ATP8B1: variants seen among roughly 807,000 people sequenced by gnomAD.
ATP8B1 encodes ATPase phospholipid transporting 8B1, also known as phospholipid-transporting ATPase IC.
In ATP8B1, 80 loss-of-function variants were observed where a neutral mutation model predicts 149.9. The observed-to-expected ratio is 0.53, with a 90% CI of 0.45 to 0.64. ATP8B1 has a LOEUF of 0.64. Ranked by LOEUF, ATP8B1 falls within the 30% of genes least tolerant of loss-of-function variation. The pLI is 0.00. For synonymous variants in ATP8B1, 536 were observed against 562.8 expected, an observed-to-expected ratio of 0.95 and a Z score of 0.67; for missense variants, 1,247 against 1,552.6, an observed-to-expected ratio of 0.80 and a Z score of 3.31.
intron 21 of ATP8B1, among the ~76,000 whole-genome samples, chr18:57,662,161 G>T (rs745625304): frequency 5.9e-5 from 9 of 152,156 alleles, no homozygotes; most frequent in African/African-American, 2.2e-4. Context: ...AACCTCCAGA[G>T]GAGCTGGGAC....
intron 15 of ATP8B1, among the ~76,000 whole-genome samples, chr18:57,680,416 T>C (rs1262558634): frequency 2.0e-5 from 3 of 147,642 alleles, no homozygotes; most frequent in African/African-American, 7.6e-5. Flanking sequence ...AGAAACCCCA[T>C]CTCTATTAAA....
intron 15 of ATP8B1, among the ~76,000 whole-genome samples, chr18:57,682,466 A>G (rs1912029945): frequency 6.6e-6 from 1 of 152,236 alleles, no homozygotes; most frequent in Admixed American, 6.5e-5. Context: ...CACAGGATGA[A>G]TTTACATTTG....
Position 57,669,440 on chromosome 18 carries a change from T to C in ATP8B1, c.1975A>G (p.Lys659Glu). 6.2e-7 allele frequency: 1 copy of C among 1,613,658 alleles called. No homozygotes were observed. The highest frequency in any genetic ancestry group is 8.5e-7 in the Non-Finnish European group (1 of 1,179,646). The change falls in exon 18 of 28, where the codon AAG becomes GAG. Residue 659 changes from lysine (K) to glutamate (E), a missense_variant. Lys to Glu is a moderately conservative substitution (Grantham distance 56). This residue lies in a region of ATP8B1 where 853 missense variants were observed against 1,035.7 expected (regional missense o/e 0.82). Transcript: ENST00000648908. ...GTAAATTCTTTTTCTTCAATTTCCT[T>C]GTAGCAAAGGCATAGGGTTCTAAGA... ...ETLRTLCLCY[K>E]EIEEKEFTEW...
At chr18:57,689,292 C>G in intron 12 of ATP8B1, among the ~76,000 whole-genome samples, 1 of 152,168 alleles carries the variant, frequency 6.6e-6, no homozygotes, top group Non-Finnish European at 1.5e-5. Flanking sequence ...CCCTAGGGTA[C>G]AGACTCCACT....
chr18:57,691,756 A>G (rs749198218), intron 12 of ATP8B1, 51 bp downstream of exon 12: 1 of 1,596,886 alleles, frequency 6.3e-7, no homozygotes, highest in East Asian at 2.2e-5. Flanking sequence ...ATGTTGGGAG[A>G]AGGTACAACA....
chr18:57,687,665 G>A (rs1240877249), intron 13 of ATP8B1, among the ~76,000 whole-genome samples: 1 of 151,776 alleles, frequency 6.6e-6, no homozygotes, highest in Non-Finnish European at 1.5e-5. Context: ...TGTGAATAAT[G>A]CTGCTATGAA....
rs528164626 is a variant in ATP8B1, at chr18:57,799,965, A to G, written c.-26+3033T>C. On this transcript the variant is annotated intron_variant, in intron 1 of 27. Coordinates refer to ENST00000648908, the MANE Select transcript of ATP8B1 (RefSeq NM_001374385.1). ...TAACCTGTCTTCTTTTTATGGTATTAACACTCTTCTGGCAGCAAATTAATT... is the reference window on the plus strand; with the variant it reads ...TAACCTGTCTTCTTTTTATGGTATTGACACTCTTCTGGCAGCAAATTAATT... Among the ~76,000 whole-genome samples, 5 of 150,688 alleles carry G rather than the reference A, an allele frequency of 3.3e-5. No individual in the cohort carries two copies. In the East Asian group the frequency reaches 9.9e-4, roughly 30 times the overall value.
At chr18:57,783,108 C>T (rs138797800) in intron 1 of ATP8B1, among the ~76,000 whole-genome samples, 224 of 152,142 alleles carry the variant, frequency 1.5e-3, no homozygotes, top group African/African-American at 5.1e-3. Flanking sequence ...CCACGGTGCC[C>T]GGCCTAGTTT....
intron 2 of ATP8B1, among the ~76,000 whole-genome samples, chr18:57,724,390 A>C (rs1363283487): frequency 2.1e-5 from 3 of 141,642 alleles, no homozygotes; most frequent in Non-Finnish European, 3.1e-5. Flanking sequence ...CAATGAACTC[A>C]AACAAATTTA....
chr18:57,672,592 C>T (rs1395854364), intron 16 of ATP8B1, among the ~76,000 whole-genome samples: 2 of 151,956 alleles, frequency 1.3e-5, no homozygotes, highest in East Asian at 3.9e-4. Flanking sequence ...TCTGGCTAGG[C>T]AGGGTGGCTC....
At chr18:57,674,453 C>T (rs745327585) in intron 16 of ATP8B1, among the ~76,000 whole-genome samples, 7 of 138,702 alleles carry the variant, frequency 5.0e-5, no homozygotes, top group Admixed American at 8.0e-5. Flanking sequence ...GGCGCGATGT[C>T]GGCTCACTGC....
At chr18:57,756,936 C>T (rs1196447363) in intron 1 of ATP8B1, among the ~76,000 whole-genome samples, 4 of 152,122 alleles carry the variant, frequency 2.6e-5, no homozygotes, top group East Asian at 1.9e-4. Context: ...TTTAAGACAT[C>T]GCAAATGTCC....
chr18:57,799,125 T>C (rs1351103876), intron 1 of ATP8B1, among the ~76,000 whole-genome samples: 1 of 152,168 alleles, frequency 6.6e-6, no homozygotes, highest in Non-Finnish European at 1.5e-5. Context: ...ACTATTATTA[T>C]CCCATTTACA....
intron 1 of ATP8B1, among the ~76,000 whole-genome samples, chr18:57,737,499 C>G (rs927351791): frequency 1.3e-5 from 2 of 151,834 alleles, no homozygotes; most frequent in African/African-American, 2.4e-5. Context: ...TCCTACCCTG[C>G]TCCCCAGCCT....
At chr18:57,728,721 AT>A (rs34072920) in intron 2 of ATP8B1, among the ~76,000 whole-genome samples, 3,222 of 138,248 alleles carry the variant, frequency 0.023, 110 homozygotes, top group African/African-American at 0.077. Context: ...AAGACTGAGC[AT>A]TTTTTTTTTT....
chr18:57,791,558 G>C (rs1429448376), intron 1 of ATP8B1, among the ~76,000 whole-genome samples: 1 of 151,740 alleles, frequency 6.6e-6, no homozygotes, highest in African/African-American at 2.4e-5. Flanking sequence ...TGGCCAGGCT[G>C]GTCTTGAACT....
intron 1 of ATP8B1, among the ~76,000 whole-genome samples, chr18:57,783,405 CT>C (rs1458764615): frequency 6.6e-6 from 1 of 152,104 alleles, no homozygotes; most frequent in Non-Finnish European, 1.5e-5. Flanking sequence ...ACAAACAAGT[CT>C]TTTTTATGTA....
At chr18:57,736,066 A>C (rs1028184702) in intron 1 of ATP8B1, among the ~76,000 whole-genome samples, 2 of 150,242 alleles carry the variant, frequency 1.3e-5, no homozygotes, top group Admixed American at 1.3e-4. Context: ...GAGTGAGAAC[A>C]TGTGGTGTTT....
chr18:57,705,858 TTTATTATTA>T (rs888130782), intron 3 of ATP8B1, among the ~76,000 whole-genome samples: 1 of 151,776 alleles, frequency 6.6e-6, no homozygotes, highest in African/African-American at 2.4e-5. Flanking sequence ...ACACTTAATA[TTTATTATTA>T]TTATTATTAT....
Sources: allele counts gnomAD v4.1 joint callset (sites outside exome capture counted in the v4.1 genomes callset), GRCh38; gene constraint gnomAD v4.1.1; regional missense constraint gnomAD v4.1.1; transcripts MANE v1.5; gene names NCBI Gene and HGNC (gene_info 2026-07-23, HGNC 2026-07-21).